Variants in SHISA6 observed in about 807,000 individuals in gnomAD.
SHISA6 encodes shisa family member 6.
A neutral mutation model predicts 47.9 loss-of-function variants in SHISA6; 22 were observed. The ratio of observed to expected loss-of-function variants is 0.46; its 90% CI spans 0.33 to 0.66. SHISA6 has a LOEUF of 0.66. Ranked by LOEUF, SHISA6 falls within the 30% of genes least tolerant of loss-of-function variation. The probability of loss-of-function intolerance (pLI) is 0.02; values close to 1 mark genes in which losing one functional copy is unlikely to be tolerated. For synonymous variants in SHISA6, 388 were observed against 337.8 expected (o/e 1.15, Z -1.63); for missense variants, 680 against 764.6 (o/e 0.89, Z 1.30).
chr17:11,352,545 A>C lies in SHISA6; in HGVS notation c.800-26869A>C, dbSNP rs147210098. Among the ~76,000 whole-genome samples the C allele has an allele frequency of 4.8e-3, 734 of 152,254 alleles. 6 individuals are homozygous for C. Among genetic ancestry groups the C allele is most frequent in the African/African-American group, 0.017 (703 of 41,540 alleles). ...TTACAGTGTGAGCTTTCAGCAGTGG[A>C]GTAAGTCTTGCTGCTAATCATACCC... is the stretch of plus-strand genomic sequence containing the variant. On this transcript the variant is annotated intron_variant, in intron 2 of 5. Transcript: ENST00000441885.
intron 3 of SHISA6, among the ~76,000 whole-genome samples, chr17:11,446,658 A>T (rs982567300): frequency 6.6e-6 from 1 of 152,210 alleles, no homozygotes; most frequent in Admixed American, 6.5e-5. Flanking sequence ...TCCTCCTGCC[A>T]TGTCCAACCT....
chr17:11,471,007 C>T (rs375737759), intron 3 of SHISA6, among the ~76,000 whole-genome samples: 3 of 151,944 alleles, frequency 2.0e-5, no homozygotes, highest in East Asian at 1.9e-4. Context: ...GTTAGGAGTT[C>T]GAGACCAGTC....
intron 2 of SHISA6, among the ~76,000 whole-genome samples, chr17:11,367,550 G>A (rs1208096726): frequency 6.6e-6 from 1 of 152,140 alleles, no homozygotes; most frequent in African/African-American, 2.4e-5. Context: ...GAGGTGAGGG[G>A]CCCTTTGAAA....
chr17:11,385,358 G>A (rs185370135), intron 3 of SHISA6, among the ~76,000 whole-genome samples: 1 of 152,006 alleles, frequency 6.6e-6, no homozygotes, highest in South Asian at 2.1e-4. Context: ...GTGGTTGGAG[G>A]TGTGGTCAGA....
At chr17:11,322,130 G>GT (rs1910737091) in intron 2 of SHISA6, among the ~76,000 whole-genome samples, 2 of 151,952 alleles carry the variant, frequency 1.3e-5, no homozygotes, top group Non-Finnish European at 2.9e-5. Context: ...GCAATGTAAG[G>GT]TTTTTTCAGC....
In SHISA6 at chr17:11,536,443, C is replaced by T. The variant is rs2071789081; in HGVS notation, c.896-15453C>T. On this transcript the variant is annotated intron_variant, in intron 3 of 5. Coordinates refer to ENST00000441885, the MANE Select transcript of SHISA6 (RefSeq NM_207386.4). ...AAAAGGTTGCACATTCTCAAAAGAG[C>T]AACCATTCTATCATTCCAATATTTC... Among the ~76,000 whole-genome samples, 5 of 152,300 alleles carry T rather than the reference C, an allele frequency of 3.3e-5. No homozygotes were observed. The South Asian group carries it at 1.0e-3, about 32-fold the overall frequency.
intron 3 of SHISA6, among the ~76,000 whole-genome samples, chr17:11,494,738 A>G (rs552483313): frequency 2.0e-5 from 3 of 152,280 alleles, no homozygotes; most frequent in Non-Finnish European, 4.4e-5. Context: ...AGGGACATGG[A>G]CAAAGCTACC....
chr17:11,304,304 T>G (rs150068071), intron 2 of SHISA6, among the ~76,000 whole-genome samples: 1 of 152,146 alleles, frequency 6.6e-6, no homozygotes, highest in South Asian at 2.1e-4. Context: ...GATGTGAGCT[T>G]CACGAGCAGA....
intron 3 of SHISA6, among the ~76,000 whole-genome samples, chr17:11,405,980 G>A (rs117960140): frequency 6.0e-3 from 909 of 152,268 alleles, no homozygotes; most frequent in Non-Finnish European, 1.0e-2. Flanking sequence ...CAGACAGCTA[G>A]ACAGTACATA....
chr17:11,377,572 C>T (rs1421741348), intron 2 of SHISA6, among the ~76,000 whole-genome samples: 2 of 152,174 alleles, frequency 1.3e-5, no homozygotes, highest in Non-Finnish European at 2.9e-5. Context: ...GTTTTAAGCT[C>T]TCCTGGCTAT....
chr17:11,416,049 T>C (rs1484388279), intron 3 of SHISA6, among the ~76,000 whole-genome samples: 2 of 152,266 alleles, frequency 1.3e-5, no homozygotes, highest in Non-Finnish European at 2.9e-5. Context: ...ATTTCTCTCA[T>C]GTTTCTTCTT....
At position 11,454,981 on chromosome 17, in the gene SHISA6, A is replaced by G. The variant is rs139373222; in HGVS notation, c.895+75472A>G. ...TCAGGAGATCAAGACCATTCTGGCT[A>G]ACAGGGTGAAATCCTGTCTCTACTA... On this transcript the variant is annotated intron_variant, in intron 3 of 5. Transcript: ENST00000441885. 5.8e-3 allele frequency among the ~76,000 whole-genome samples: 888 copies of G among 151,940 alleles called. 6 individuals carry two copies. Among genetic ancestry groups the G allele is most frequent in the East Asian group, 0.032 (165 of 5,154 alleles).
chr17:11,363,085 A>T (rs1912339640), intron 2 of SHISA6, among the ~76,000 whole-genome samples: 1 of 152,194 alleles, frequency 6.6e-6, no homozygotes, highest in African/African-American at 2.4e-5. Flanking sequence ...GCCAGCTCAG[A>T]AACTACAGCT....
chr17:11,557,673 A>G, intron 5 of SHISA6, 81 bp from the exon 6 acceptor site: 1 of 1,350,116 alleles, frequency 7.4e-7, no homozygotes, highest in Non-Finnish European at 9.9e-7. Flanking sequence ...GTGATGGAGC[A>G]GGAGCGGGGC....
chr17:11,528,958 C>G (rs375589975), intron 3 of SHISA6, among the ~76,000 whole-genome samples: 1 of 151,956 alleles, frequency 6.6e-6, no homozygotes, highest in Non-Finnish European at 1.5e-5. Flanking sequence ...TTTGGGAAGC[C>G]GAGGCAGGCA....
At chr17:11,344,656 A>G (rs1911637032) in intron 2 of SHISA6, among the ~76,000 whole-genome samples, 1 of 152,154 alleles carries the variant, frequency 6.6e-6, no homozygotes, top group African/African-American at 2.4e-5. Context: ...TTTAATTAGC[A>G]TGTAATAATT....
At chr17:11,456,047 A>G (rs1207141186) in intron 3 of SHISA6, among the ~76,000 whole-genome samples, 1 of 152,208 alleles carries the variant, frequency 6.6e-6, no homozygotes, top group African/African-American at 2.4e-5. Flanking sequence ...CATGGTTAGA[A>G]AGGCGCTTTG....
intron 3 of SHISA6, among the ~76,000 whole-genome samples, chr17:11,484,165 T>A (rs1033623312): frequency 6.6e-6 from 1 of 152,192 alleles, no homozygotes; most frequent in Non-Finnish European, 1.5e-5. Flanking sequence ...TGTAAAAGGA[T>A]ACAATTAAAT....
At chr17:11,430,872 C>T (rs749381015) in intron 3 of SHISA6, among the ~76,000 whole-genome samples, 1 of 152,198 alleles carries the variant, frequency 6.6e-6, no homozygotes, top group Non-Finnish European at 1.5e-5. Flanking sequence ...CAAGCCTGTT[C>T]TGACACACAT....
Sources: allele counts gnomAD v4.1 joint callset (sites outside exome capture counted in the v4.1 genomes callset), GRCh38; gene constraint gnomAD v4.1.1; transcripts MANE v1.5; gene names NCBI Gene and HGNC (gene_info 2026-07-23, HGNC 2026-07-21).